GHRL: variants seen among roughly 807,000 people sequenced by gnomAD.
GHRL encodes the protein ghrelin and obestatin prepropeptide, also known as appetite-regulating hormone.
GHRL carries 24 observed loss-of-function variants against 16.9 expected under a neutral mutation model. The observed-to-expected ratio is 1.42, with a 90% CI of 1.03 to 2.00. The LOEUF is 2.00. Ranked by LOEUF, GHRL falls within the 30% of genes most tolerant of loss-of-function variation. The pLI is 0.00. For synonymous variants in GHRL, 63 were observed against 58.2 expected (o/e 1.08, Z -0.37); for missense variants, 193 against 142.1 (o/e 1.36, Z -1.82).
intron 4 of GHRL, chr3:10,288,284 A>T (rs1699389706): frequency 6.6e-6 from 1 of 151,678 alleles, no homozygotes; most frequent in Non-Finnish European, 1.5e-5. Context: ...TGGGTGGGAC[A>T]CTCGGTTGTG....
intron 4 of GHRL, 175 bp from the exon 5 acceptor site, chr3:10,286,987 C>G: frequency 1.8e-6 from 1 of 554,068 alleles, no homozygotes; most frequent in South Asian, 2.1e-5. Flanking sequence ...TTTCTCAGGA[C>G]CACAGCTCAC....
rs267599519 is a variant in GHRL at position 10,285,883 on chromosome 3, C to T, written c.346G>A (p.Asp116Asn). 4.0e-5 allele frequency: 64 copies of T among 1,613,172 alleles called. No homozygotes were observed. Among genetic ancestry groups the T allele is most frequent in the Admixed American group, 3.8e-4 (23 of 60,002 alleles). Residue 116 changes from aspartate (D) to asparagine (N), a missense_variant, in exon 6 of 6, where the codon GAC becomes AAC. Asp to Asn is a conservative substitution (Grantham distance 23). Coordinates refer to ENST00000335542, the MANE Select transcript of GHRL (RefSeq NM_016362.5). ...GTAAGGCTTGTGGGCGATCACTTGT[C>T]GGCTGGGGCCTCTGGAAAGCAAGAG... is the stretch of plus-strand genomic sequence containing the variant. ...LWEEAKEAPADK is the reference protein window; with the variant it reads ...LWEEAKEAPANK
chr3:10,287,125 T>C lies in GHRL; in HGVS notation c.226-313A>G, dbSNP rs2075356. ...GAGATTTTTTTTCTCCCTTGCAGTT[T>C]TGAAGACAAAAGGTTGAGTCACCAA... On this transcript the variant is annotated intron_variant, in intron 4 of 5. Coordinates refer to ENST00000335542, the MANE Select transcript of GHRL (RefSeq NM_016362.5). 18,347 of 199,714 alleles carry C rather than the reference T, an allele frequency of 0.092. 1,161 individuals carry two copies. The highest frequency in any genetic ancestry group is 0.27 in the East Asian group (1,983 of 7,312). 12.4% of individuals were successfully genotyped at this position (199,714 alleles called of 1,614,324 possible).
At chr3:10,288,985 C>T (rs1032245847) in intron 4 of GHRL, among the ~76,000 whole-genome samples, 2 of 152,270 alleles carry the variant, frequency 1.3e-5, no homozygotes, top group African/African-American at 4.8e-5. Context: ...CACAGGTTGT[C>T]GTAGGGAGGA....
chr3:10,292,407 C>T (rs965927655), intron 1 of GHRL: 5 of 177,008 alleles, frequency 2.8e-5, no homozygotes, highest in Non-Finnish European at 4.7e-5. Flanking sequence ...AGTTGATTGC[C>T]GAATGACCAC....
Position 10,291,394 on chromosome 3 carries a change from C to G in GHRL, c.-708G>C. ...CATAGCAGCTTGCCTTGCCTCCCTC[C>G]AGCAGCTTTGGTCCCTATTTTAGCG... On this transcript the variant is annotated 5_prime_UTR_variant, in exon 2 of 6. Transcript: ENST00000335542. 1.0e-6 allele frequency: 1 copy of G among 985,522 alleles called. No individual in the cohort carries two copies. The highest frequency in any genetic ancestry group is 1.2e-6 in the Non-Finnish European group (1 of 830,000). The allele number at this position is 985,522 out of a possible 1,614,324, so 61.0% of individuals were successfully genotyped here.
At chr3:10,288,804 G>A (rs913342872) in intron 4 of GHRL, among the ~76,000 whole-genome samples, 5 of 152,216 alleles carry the variant, frequency 3.3e-5, no homozygotes, top group African/African-American at 1.2e-4. Flanking sequence ...GCCACTGTGC[G>A]CTGTCTCTGT....
At chr3:10,290,419 A>T (rs1036185171) in intron 2 of GHRL, 1 of 530,288 alleles carries the variant, frequency 1.9e-6, no homozygotes, top group Admixed American at 3.2e-5. Context: ...AACACCTGGC[A>T]GCAGGACTTG....
intron 4 of GHRL, among the ~76,000 whole-genome samples, chr3:10,289,391 A>G (rs1699590377): frequency 6.6e-6 from 1 of 152,118 alleles, no homozygotes; most frequent in Non-Finnish European, 1.5e-5. Flanking sequence ...GCCCCTGAGT[A>G]AAACATGGTT....
At chr3:10,288,672 A>T (rs1699462228) in intron 4 of GHRL, among the ~76,000 whole-genome samples, 1 of 152,234 alleles carries the variant, frequency 6.6e-6, no homozygotes, top group Non-Finnish European at 1.5e-5. Context: ...GATGAAAGCG[A>T]GCAGGGGCTG....
At position 10,291,211 on chromosome 3, in the gene GHRL, T is replaced by C; in HGVS notation, c.-525A>G. 2.0e-6 allele frequency: 2 copies of C among 985,556 alleles called. No individual in the cohort carries two copies. The highest frequency in any genetic ancestry group is 2.4e-6 in the Non-Finnish European group (2 of 830,026). The allele number at this position is 985,556 out of a possible 1,614,324, so 61.1% of individuals were successfully genotyped here. A position where few individuals can be genotyped will look rare whatever the true frequency, so the allele number is the denominator to read the frequency against. ...AGTCCGCAGGGAGCCAGGCTGGTGA[T>C]TCTACACCTTCCCGAGGAGGAGTCC... On this transcript the variant is annotated 5_prime_UTR_variant, in exon 2 of 6. Transcript: ENST00000335542.
At chr3:10,286,045 T>G (rs1699013780) in intron 5 of GHRL, 151 bp from the exon 6 acceptor site, 3 of 692,906 alleles carry the variant, frequency 4.3e-6, no homozygotes, top group Non-Finnish European at 2.5e-6. Flanking sequence ...AAGTGTGGAC[T>G]GTTGTGCCCT....
Position 10,289,865 on chromosome 3 carries a change from G to C in GHRL, c.122C>G (p.Ser41Trp), listed in dbSNP as rs761310643. The change falls in exon 4 of 6, where the codon TCG becomes TGG. Residue 41 changes from serine to tryptophan, a missense_variant. Physicochemically the swap from Ser to Trp is radical, Grantham distance 177. Transcript: ENST00000335542. Reference protein sequence around the residue: ...EHQRVQQRKESKKPPAKLQPR... With the variant: ...EHQRVQQRKEWKKPPAKLQPR... ...CTGCAGCTTGGCTGGTGGCTTCTTC[G>C]ACTCCTTTCTCTGCTGGAAGGGGGA... 6.8e-6 allele frequency: 11 copies of C among 1,612,536 alleles called. No homozygotes were observed. In the South Asian group the frequency reaches 1.2e-4, roughly 18 times the overall value.
intron 2 of GHRL, chr3:10,290,442 G>A (rs1454264489): frequency 4.3e-6 from 2 of 464,926 alleles, no homozygotes; most frequent in Non-Finnish European, 7.9e-6. Context: ...AGGGGCTGGG[G>A]GTCCTCCCCG....
chr3:10,292,702 G>A (rs190728301), intron 1 of GHRL, 140 bp downstream of exon 1: 2 of 624,446 alleles, frequency 3.2e-6, no homozygotes, highest in Admixed American at 3.3e-5. Context: ...AATGTGGAGA[G>A]GGTGGAGAGA....
Position 10,285,797 on chromosome 3 carries a change from G to A in GHRL, c.*78C>T. 1 of 1,107,880 alleles carries A rather than the reference G, an allele frequency of 9.0e-7. No individual in the cohort carries two copies. The highest frequency in any genetic ancestry group is 1.4e-6 in the Non-Finnish European group (1 of 719,050). 68.6% of individuals were successfully genotyped at this position (1,107,880 alleles called of 1,614,324 possible). A position where few individuals can be genotyped will look rare whatever the true frequency, so the allele number is the denominator to read the frequency against. On this transcript the variant is annotated 3_prime_UTR_variant, in exon 6 of 6. Coordinates refer to ENST00000335542, the MANE Select transcript of GHRL (RefSeq NM_016362.5). ...CTCCTGAGCTTGTACAACAGTCGTG[G>A]GAGTTGCTGCAGAAGCAAGCGAAAA...
At chr3:10,289,060 G>A (rs1699525615) in intron 4 of GHRL, among the ~76,000 whole-genome samples, 2 of 152,204 alleles carry the variant, frequency 1.3e-5, no homozygotes, top group South Asian at 4.1e-4. Flanking sequence ...CCATTATTAA[G>A]TGCTACCTTG....
chr3:10,291,499 TTGAC>T, intron 1 of GHRL, 48 bp from the exon 2 acceptor site: 1 of 978,600 alleles, frequency 1.0e-6, no homozygotes, highest in Non-Finnish European at 1.2e-6. Context: ...TCCTCTCTCA[TTGAC>T]TGGCCTTACG....
chr3:10,291,790 G>T (rs1358836966), intron 1 of GHRL, among the ~76,000 whole-genome samples: 1 of 152,202 alleles, frequency 6.6e-6, no homozygotes, highest in Non-Finnish European at 1.5e-5. Flanking sequence ...CAGGAGAGGA[G>T]CTCACCTTAG....
Sources: gnomAD v4.1 joint callset for allele counts (sites outside exome capture counted in the v4.1 genomes callset) on GRCh38, gnomAD v4.1.1 for gene constraint, MANE v1.5 for transcripts, NCBI Gene and HGNC (gene_info 2026-07-23, HGNC 2026-07-21) for gene names.